Variants in LATS1 observed in about 807,000 individuals in gnomAD.
The protein encoded by LATS1 is serine/threonine-protein kinase LATS1.
In LATS1, 25 loss-of-function variants were observed where a neutral mutation model predicts 106.6. That is an observed-to-expected ratio of 0.23 (90% CI 0.17 to 0.33). LATS1 has a LOEUF of 0.33. Among genes scored for constraint, LATS1 ranks in the 10% least tolerant of loss-of-function variants. The probability of loss-of-function intolerance (pLI) is 1.00; values close to 1 mark genes in which losing one functional copy is unlikely to be tolerated. For missense variants in LATS1, 1,040 were observed against 1,382.6 expected, an observed-to-expected ratio of 0.75 and a Z score of 3.93; for synonymous variants, 465 against 455.6, an observed-to-expected ratio of 1.02 and a Z score of -0.26.
At chr6:149,675,902 T>A in intron 7 of LATS1, 1 of 227,084 alleles carries the variant, frequency 4.4e-6, no homozygotes, top group East Asian at 1.2e-4. Flanking sequence ...GTATGCTGTA[T>A]GAGTGAGGGG....
intron 1 of LATS1, among the ~76,000 whole-genome samples, chr6:149,703,112 T>C (rs1304332164): frequency 6.6e-6 from 1 of 151,934 alleles, no homozygotes; most frequent in Non-Finnish European, 1.5e-5. Context: ...TAGCTGTGAT[T>C]ACAGGTGTCT....
At chr6:149,711,984 G>A (rs1407776201) in intron 1 of LATS1, among the ~76,000 whole-genome samples, 5 of 152,120 alleles carry the variant, frequency 3.3e-5, no homozygotes, top group Admixed American at 2.0e-4. Flanking sequence ...GAGAGAGAGA[G>A]AGTGCGCACA....
intron 5 of LATS1, among the ~76,000 whole-genome samples, chr6:149,678,871 G>A (rs1333883360): frequency 6.6e-6 from 1 of 152,022 alleles, no homozygotes; most frequent in East Asian, 1.9e-4. Flanking sequence ...ACATTGTGAG[G>A]ATAAAATAGG....
intron 7 of LATS1, among the ~76,000 whole-genome samples, chr6:149,669,277 GCAC>G (rs1781324006): frequency 6.6e-6 from 1 of 151,884 alleles, no homozygotes; most frequent in Non-Finnish European, 1.5e-5. Flanking sequence ...GGCACTACAG[GCAC>G]CTGCCACCAC....
chr6:149,703,778 A>G (rs1173939238), intron 1 of LATS1, among the ~76,000 whole-genome samples: 1 of 152,168 alleles, frequency 6.6e-6, no homozygotes, highest in Non-Finnish European at 1.5e-5. Context: ...CTGACTCCTG[A>G]GACATAAAGT....
chr6:149,708,440 A>T (rs1490137085), intron 1 of LATS1, among the ~76,000 whole-genome samples: 1 of 151,796 alleles, frequency 6.6e-6, no homozygotes, highest in African/African-American at 2.4e-5. Context: ...AAAAATTTCA[A>T]TTGTAAGATA....
At chr6:149,674,317 C>A (rs1031102190) in intron 7 of LATS1, among the ~76,000 whole-genome samples, 3 of 148,150 alleles carry the variant, frequency 2.0e-5, no homozygotes, top group African/African-American at 7.5e-5. Context: ...TCAGGTGATC[C>A]ACCTGCCTTG....
intron 7 of LATS1, among the ~76,000 whole-genome samples, chr6:149,671,332 C>T (rs1302672583): frequency 1.3e-5 from 2 of 151,902 alleles, no homozygotes; most frequent in East Asian, 1.9e-4. Flanking sequence ...CGGGGTTTCG[C>T]CATGTTGACT....
rs1192208349 is a variant in LATS1 at position 149,658,672 on chromosome 6, T to C, written c.*3057A>G. ...ACAATTCCACTCACAGTTTTGCACT[T>C]TGCAACAGCAGAAGGTAATAACTTT... is the stretch of plus-strand genomic sequence containing the variant. On this transcript the variant is annotated 3_prime_UTR_variant, in exon 8 of 8. Transcript: ENST00000543571. 6.6e-6 allele frequency: 1 copy of C among 152,188 alleles called. No individual in the cohort carries two copies. The highest frequency in any genetic ancestry group is 1.5e-5 in the Non-Finnish European group (1 of 68,024). The allele number at this position is 152,188 out of a possible 1,614,324, so 9.4% of individuals were successfully genotyped here.
chr6:149,673,272 A>C (rs867124259), intron 7 of LATS1, among the ~76,000 whole-genome samples: 1 of 149,574 alleles, frequency 6.7e-6, no homozygotes, highest in Admixed American at 6.6e-5. Flanking sequence ...TAATTTTTCT[A>C]TTTTTTTTGT....
At chr6:149,694,068 C>T (rs1782928537) in intron 3 of LATS1, among the ~76,000 whole-genome samples, 1 of 151,916 alleles carries the variant, frequency 6.6e-6, no homozygotes, top group Non-Finnish European at 1.5e-5. Context: ...CCAGCCTGGG[C>T]AACAGAGTGA....
intron 7 of LATS1, among the ~76,000 whole-genome samples, chr6:149,662,874 A>T (rs951514733): frequency 6.6e-6 from 1 of 151,548 alleles, no homozygotes; most frequent in Non-Finnish European, 1.5e-5. Flanking sequence ...GTTGAAGCAG[A>T]AGGATTCCTG....
intron 3 of LATS1, among the ~76,000 whole-genome samples, chr6:149,690,371 G>A (rs1480039319): frequency 2.6e-5 from 4 of 151,258 alleles, no homozygotes; most frequent in African/African-American, 4.9e-5. Flanking sequence ...GCACCACCAC[G>A]CCCAGCTAAT....
chr6:149,684,563 G>A lies in LATS1; in HGVS notation c.526C>T (p.Gln176Ter). 1.2e-6 allele frequency: 2 copies of A among 1,605,056 alleles called. No individual in the cohort carries two copies. The highest frequency in any genetic ancestry group is 1.7e-6 in the Non-Finnish European group (2 of 1,173,562). The change falls in exon 4 of 8, where the codon CAG (glutamine) becomes TAG (stop). Residue 176 changes from glutamine to a stop codon, truncating the protein, a stop_gained. Transcript: ENST00000543571. LOFTEE classifies it high-confidence loss of function. ...GNVQQSVNRK[Q>*]SWKGSKESLV... is the part of the protein sequence containing the mutation. ...GATTCTTTAGAACCTTTCCAGCTCTGTTTGCGGTTAACTGATTGCTGCACA... is the reference window on the plus strand; with the variant it reads ...GATTCTTTAGAACCTTTCCAGCTCTATTTGCGGTTAACTGATTGCTGCACA...
At chr6:149,667,778 T>A (rs1426914572) in intron 7 of LATS1, among the ~76,000 whole-genome samples, 3 of 151,986 alleles carry the variant, frequency 2.0e-5, no homozygotes, top group Admixed American at 6.6e-5. Context: ...AGAAAAAAAA[T>A]TATTGAAAGC....
At chr6:149,704,176 T>C (rs1278119532) in intron 1 of LATS1, among the ~76,000 whole-genome samples, 1 of 152,144 alleles carries the variant, frequency 6.6e-6, no homozygotes, top group East Asian at 1.9e-4. Context: ...GCTAATTTTG[T>C]ATTTTTAGTA....
rs2114826395 is a variant in LATS1 at position 149,684,327 on chromosome 6, C to G, written c.762G>C (p.Gln254His). The G allele has an allele frequency of 6.2e-7, 1 of 1,613,892 alleles. No individual in the cohort carries two copies. Among genetic ancestry groups the G allele is most frequent in the East Asian group, 2.2e-5 (1 of 44,848 alleles). Residue 254 changes from glutamine to histidine, a missense_variant, in exon 4 of 8, where the codon CAG becomes CAC. Transcript: ENST00000543571. ...SVTPPPPPRGQTPPPRGTTPP... is the reference protein window; with the variant it reads ...SVTPPPPPRGHTPPPRGTTPP... ...GAGTTGTACCTCTTGGAGGGGGAGT[C>G]TGGCCTCTTGGAGGTGGTGGAGGAG...
chr6:149,670,860 T>C (rs1319590654), intron 7 of LATS1, among the ~76,000 whole-genome samples: 1 of 151,948 alleles, frequency 6.6e-6, no homozygotes, highest in Non-Finnish European at 1.5e-5. Flanking sequence ...TTGTAAATAT[T>C]TTCTCCCAGC....
chr6:149,696,840 T>C lies in LATS1; in HGVS notation c.349-1619A>G, dbSNP rs142030994. ...GTGAGTTTGAGTTCCAGCAGCTCTG[T>C]AAAGTAGAGTGACACCTGGCAAATT... On this transcript the variant is annotated intron_variant, in intron 2 of 7. Coordinates refer to ENST00000543571, the MANE Select transcript of LATS1 (RefSeq NM_004690.4). Among the ~76,000 whole-genome samples the C allele has an allele frequency of 1.1e-4, 16 of 152,260 alleles. No homozygotes were observed. In the East Asian group the frequency reaches 2.9e-3, roughly 28 times the overall value.
Sources: gnomAD v4.1 joint callset for allele counts (sites outside exome capture counted in the v4.1 genomes callset) on GRCh38, gnomAD v4.1.1 for gene constraint, MANE v1.5 for transcripts, NCBI Gene and HGNC (gene_info 2026-07-23, HGNC 2026-07-21) for gene names.